ACYP2: variants seen among roughly 807,000 people sequenced by gnomAD.
ACYP2 encodes acylphosphatase 2.
A neutral mutation model predicts 11.2 loss-of-function variants in ACYP2; 12 were observed. The observed-to-expected ratio is 1.08, with a 90% CI of 0.69 to 1.74. The LOEUF is 1.74. Among genes scored for constraint, ACYP2 ranks in the 40% most tolerant of loss-of-function variants. The pLI is 0.00. For missense variants in ACYP2, 134 were observed against 101.9 expected (o/e 1.31, Z -1.35); for synonymous variants, 43 against 32.2 (o/e 1.33, Z -1.13).
chr2:54,295,097 G>A (rs1573066449), intron 6 of ACYP2, among the ~76,000 whole-genome samples: 1 of 152,124 alleles, frequency 6.6e-6, no homozygotes, highest in East Asian at 1.9e-4. Context: ...CTTGCAGGAT[G>A]GACTTGGCCC....
In ACYP2 at chr2:54,202,358, C is replaced by T. The variant is rs991106647; in HGVS notation, c.404+63610C>T. Among the ~76,000 whole-genome samples, 39 of 150,598 alleles carry T rather than the reference C, an allele frequency of 2.6e-4. 1 individual carries two copies. The highest frequency in any genetic ancestry group is 6.3e-4 in the South Asian group (3 of 4,758). ...CTGATCTCAGGTGATCTACCTGCCT[C>T]GGCCTCCCAAAGTGCTGGGATTACA... On this transcript the variant is annotated intron_variant, in intron 6 of 6. Coordinates refer to ENST00000607452, the MANE Select transcript of ACYP2 (RefSeq NM_001320586.2).
intron 6 of ACYP2, among the ~76,000 whole-genome samples, chr2:54,183,640 T>A (rs1229196677): frequency 1.3e-5 from 2 of 152,192 alleles, no homozygotes; most frequent in African/African-American, 4.8e-5. Context: ...TGAACATATT[T>A]TCATAAAAGT....
chr2:54,235,280 T>G lies in ACYP2; in HGVS notation c.405-69408T>G, dbSNP rs751123856. Among the ~76,000 whole-genome samples, 510 of 89,056 alleles carry G rather than the reference T, an allele frequency of 5.7e-3. 3 individuals carry two copies. Among genetic ancestry groups the G allele is most frequent in the Non-Finnish European group, 9.9e-3 (368 of 37,124 alleles). 58.4% of individuals were successfully genotyped at this position (89,056 alleles called of 152,430 possible). A position where few individuals can be genotyped will look rare whatever the true frequency, so the allele number is the denominator to read the frequency against. ...CTGGAAGAATTTATATAAGACAGGT[T>G]TTTTTTTTTAATTAAGTTTTGGTTT... is the stretch of plus-strand genomic sequence containing the variant. On this transcript the variant is annotated intron_variant, in intron 6 of 6. Transcript: ENST00000607452.
chr2:54,213,638 C>T (rs995410690), intron 6 of ACYP2, among the ~76,000 whole-genome samples: 1 of 152,148 alleles, frequency 6.6e-6, no homozygotes, highest in Non-Finnish European at 1.5e-5. Flanking sequence ...GAGGTGGTAT[C>T]TCATTGTGGT....
chr2:54,141,661 C>T (rs1428330132), intron 6 of ACYP2, among the ~76,000 whole-genome samples: 2 of 152,150 alleles, frequency 1.3e-5, no homozygotes, highest in Admixed American at 1.3e-4. Flanking sequence ...ATTATACTAT[C>T]TCCACAGTAT....
chr2:54,204,509 A>G (rs1316707489), intron 6 of ACYP2, among the ~76,000 whole-genome samples: 1 of 152,078 alleles, frequency 6.6e-6, no homozygotes, highest in Non-Finnish European at 1.5e-5. Context: ...TCTAGGTTCC[A>G]GTGTGGCATA....
chr2:54,284,740 C>G (rs1351518784), intron 6 of ACYP2, among the ~76,000 whole-genome samples: 1 of 152,166 alleles, frequency 6.6e-6, no homozygotes, highest in Non-Finnish European at 1.5e-5. Context: ...CTTTCTCACC[C>G]ACCTATTTTT....
At chr2:54,032,484 T>C (rs1301255540) in intron 2 of ACYP2, among the ~76,000 whole-genome samples, 3 of 152,218 alleles carry the variant, frequency 2.0e-5, no homozygotes, top group Non-Finnish European at 4.4e-5. Flanking sequence ...CATTGGTCTA[T>C]ATCTCTGTTT....
intron 2 of ACYP2, among the ~76,000 whole-genome samples, chr2:53,985,260 A>G (rs551966787): frequency 1.3e-5 from 2 of 152,040 alleles, no homozygotes; most frequent in South Asian, 2.1e-4. Context: ...TAATAGAGAC[A>G]GGGTTTCACA....
chr2:54,229,777 T>C (rs574278431), intron 6 of ACYP2, among the ~76,000 whole-genome samples: 23 of 152,160 alleles, frequency 1.5e-4, no homozygotes, highest in Non-Finnish European at 2.8e-4. Context: ...CCCCAAACAG[T>C]TTTTTAAGAA....
At chr2:54,231,955 C>T (rs574075170) in intron 6 of ACYP2, among the ~76,000 whole-genome samples, 1 of 152,158 alleles carries the variant, frequency 6.6e-6, no homozygotes, top group Non-Finnish European at 1.5e-5. Flanking sequence ...GACTTTCTAC[C>T]ATGACTTTGA....
chr2:54,051,635 G>A lies in ACYP2; in HGVS notation c.155+585G>A, dbSNP rs550016143. The A allele has an allele frequency of 2.4e-5, 18 of 741,514 alleles. No homozygotes were observed. In the African/African-American group the frequency reaches 2.9e-4, roughly 12 times the overall value. The allele number at this position is 741,514 out of a possible 1,614,324, so 45.9% of individuals were successfully genotyped here. On this transcript the variant is annotated intron_variant, in intron 3 of 6. Transcript: ENST00000607452. ...TGCTGCAGGTGACAAGCAGCCTTAT[G>A]AAAAGAAGGCTGCGAAGTTGAAGGA... is the stretch of plus-strand genomic sequence containing the variant.
chr2:54,172,905 C>A (rs1683276959), intron 6 of ACYP2, among the ~76,000 whole-genome samples: 2 of 152,214 alleles, frequency 1.3e-5, no homozygotes, highest in South Asian at 4.1e-4. Context: ...CATAGTATTC[C>A]ATGGTGTATA....
chr2:54,007,497 C>T (rs1188309365), intron 2 of ACYP2, among the ~76,000 whole-genome samples: 1 of 152,164 alleles, frequency 6.6e-6, no homozygotes, highest in Admixed American at 6.5e-5. Flanking sequence ...TTGTGATCCA[C>T]CCACCTTGGC....
chr2:54,147,330 G>A (rs535232197), intron 6 of ACYP2, among the ~76,000 whole-genome samples: 1 of 152,156 alleles, frequency 6.6e-6, no homozygotes, highest in East Asian at 1.9e-4. Context: ...GACTGGGTGG[G>A]GAACTGGCAT....
chr2:54,034,737 A>G (rs1314391744), intron 2 of ACYP2, among the ~76,000 whole-genome samples: 5 of 152,130 alleles, frequency 3.3e-5, no homozygotes, highest in South Asian at 4.1e-4. Context: ...TCATCTGGGC[A>G]CGGTGGCTCA....
chr2:54,251,956 T>TA (rs1447075368), intron 6 of ACYP2, among the ~76,000 whole-genome samples: 2 of 152,302 alleles, frequency 1.3e-5, no homozygotes, highest in East Asian at 3.9e-4. Context: ...TTGTGGGAAT[T>TA]AGAGCTCAGG....
chr2:54,296,005 C>G (rs886545351), intron 6 of ACYP2, among the ~76,000 whole-genome samples: 7 of 151,980 alleles, frequency 4.6e-5, no homozygotes, highest in South Asian at 2.1e-4. Flanking sequence ...AAGTGATCTG[C>G]CACTTCCACT....
chr2:54,052,126 G>A (rs1194558457), intron 3 of ACYP2, among the ~76,000 whole-genome samples: 3 of 151,942 alleles, frequency 2.0e-5, no homozygotes, highest in Non-Finnish European at 2.9e-5. Flanking sequence ...GAAGGAGGAG[G>A]ATGAAGATGA....
Sources: allele counts gnomAD v4.1 joint callset (sites outside exome capture counted in the v4.1 genomes callset), GRCh38; gene constraint gnomAD v4.1.1; transcripts MANE v1.5; gene names NCBI Gene and HGNC (gene_info 2026-07-23, HGNC 2026-07-21).